Variants in OPCML observed in about 807,000 individuals in gnomAD.
OPCML encodes the protein opioid binding protein/cell adhesion molecule like.
In OPCML, 13 loss-of-function variants were observed where a neutral mutation model predicts 37.8. The observed-to-expected ratio is 0.34, with a 90% CI of 0.22 to 0.55. OPCML has a LOEUF of 0.55. Ranked by LOEUF, OPCML falls within the 20% of genes least tolerant of loss-of-function variation. OPCML has a pLI of 0.91. For missense variants in OPCML, 341 were observed against 435.6 expected, an observed-to-expected ratio of 0.78 and a Z score of 1.93; for synonymous variants, 176 against 168.8, an observed-to-expected ratio of 1.04 and a Z score of -0.33.
chr11:132,426,653 A>G (rs1380122456), intron 7 of OPCML, among the ~76,000 whole-genome samples: 1 of 152,168 alleles, frequency 6.6e-6, no homozygotes, highest in Non-Finnish European at 1.5e-5. Flanking sequence ...GCTGGTCTTG[A>G]ACTGCTAGCC....
intron 1 of OPCML, among the ~76,000 whole-genome samples, chr11:133,020,101 AG>A (rs768023425): frequency 3.9e-5 from 6 of 152,212 alleles, no homozygotes; most frequent in Non-Finnish European, 7.3e-5. Flanking sequence ...AGCTCGCCAG[AG>A]CTAATGAGTG....
At chr11:133,305,288 C>T (rs1422705340) in intron 1 of OPCML, among the ~76,000 whole-genome samples, 1 of 152,078 alleles carries the variant, frequency 6.6e-6, no homozygotes. Context: ...CCCCCTGTAC[C>T]CCTCTCCAAG....
intron 2 of OPCML, among the ~76,000 whole-genome samples, chr11:132,914,122 C>A (rs1944526593): frequency 6.6e-6 from 1 of 152,180 alleles, no homozygotes; most frequent in African/African-American, 2.4e-5. Flanking sequence ...AAGAGGGACA[C>A]CCCTGGCAAT....
intron 2 of OPCML, among the ~76,000 whole-genome samples, chr11:132,910,866 GGCTGCATGACAGGAGCCA>G (rs1352854797): frequency 6.6e-6 from 1 of 152,144 alleles, no homozygotes; most frequent in Non-Finnish European, 1.5e-5. Context: ...GGACCATTGT[GGCTGCATGACAGGAGCCA>G]GAGAATAGCA....
At chr11:133,488,050 G>A (rs1234821357) in intron 1 of OPCML, among the ~76,000 whole-genome samples, 1 of 151,968 alleles carries the variant, frequency 6.6e-6, no homozygotes, top group Non-Finnish European at 1.5e-5. Context: ...ATGCAGAAAA[G>A]GGTAAAATTC....
chr11:132,944,292 C>A (rs1333709689), intron 1 of OPCML, among the ~76,000 whole-genome samples: 1 of 152,190 alleles, frequency 6.6e-6, no homozygotes, highest in Non-Finnish European at 1.5e-5. Flanking sequence ...CCGATGCCAG[C>A]GCAGAAGTTG....
intron 1 of OPCML, among the ~76,000 whole-genome samples, chr11:133,090,446 T>C (rs1010285459): frequency 1.3e-5 from 2 of 152,156 alleles, no homozygotes; most frequent in Admixed American, 1.3e-4. Flanking sequence ...TTCTTAGACA[T>C]TATCAAAGTG....
At chr11:132,981,070 A>G (rs752116649) in intron 1 of OPCML, among the ~76,000 whole-genome samples, 3 of 152,232 alleles carry the variant, frequency 2.0e-5, no homozygotes, top group Non-Finnish European at 4.4e-5. Context: ...TAAACACAGT[A>G]AAATATGGTA....
In OPCML at chr11:133,458,574, C is replaced by CTGTGTGTGTATACACATATATACGTGT. The variant is rs1555161986; in HGVS notation, c.61+73689_61+73690insACACGTATATATGTGTATACACACACA. On this transcript the variant is annotated intron_variant, in intron 1 of 7. Transcript: ENST00000524381. Reference sequence around the variant, plus strand: ...GTGTGTGTGTATACACATATATACACGTGTGTGTACACATATATACACGTG... The same window carrying CTGTGTGTGTATACACATATATACGTGT: ...GTGTGTGTGTATACACATATATACACTGTGTGTGTATACACATATATACGTGTGTGTGTGTACACATATATACACGTG... 1.5e-3 allele frequency among the ~76,000 whole-genome samples: 130 copies of CTGTGTGTGTATACACATATATACGTGT among 85,824 alleles called. 45 individuals are homozygous for CTGTGTGTGTATACACATATATACGTGT. Among genetic ancestry groups the CTGTGTGTGTATACACATATATACGTGT allele is most frequent in the African/African-American group, 0.015 (120 of 8,130 alleles). 56.3% of individuals were successfully genotyped at this position (85,824 alleles called of 152,430 possible). A position where few individuals can be genotyped will look rare whatever the true frequency, so the allele number is the denominator to read the frequency against.
chr11:132,946,039 C>T (rs978721938), intron 1 of OPCML, among the ~76,000 whole-genome samples: 4 of 152,194 alleles, frequency 2.6e-5, no homozygotes. Flanking sequence ...GCCTCGGCCT[C>T]CCAAAGTGCT....
At chr11:133,084,868 TTTA>T (rs1948795477) in intron 1 of OPCML, among the ~76,000 whole-genome samples, 1 of 152,166 alleles carries the variant, frequency 6.6e-6, no homozygotes. Context: ...ACAATATAGA[TTTA>T]TTATAAGAAC....
At chr11:132,546,535 C>T (rs1423300588) in intron 3 of OPCML, among the ~76,000 whole-genome samples, 1 of 152,164 alleles carries the variant, frequency 6.6e-6, no homozygotes, top group Admixed American at 6.5e-5. Context: ...TATGATCCAA[C>T]ATCCTTTTTA....
intron 1 of OPCML, among the ~76,000 whole-genome samples, chr11:133,188,805 C>T (rs1938191381): frequency 6.6e-6 from 1 of 152,110 alleles, no homozygotes; most frequent in Admixed American, 6.5e-5. Flanking sequence ...GCATGTAGAT[C>T]TCACGTAGCT....
intron 2 of OPCML, among the ~76,000 whole-genome samples, chr11:132,764,289 C>T (rs1367473625): frequency 6.6e-6 from 1 of 152,164 alleles, no homozygotes; most frequent in Non-Finnish European, 1.5e-5. Context: ...CATCCTTCCT[C>T]CCACCCCACC....
chr11:133,378,560 A>G (rs1944863456), intron 1 of OPCML, among the ~76,000 whole-genome samples: 1 of 152,048 alleles, frequency 6.6e-6, no homozygotes. Context: ...ACTTCTACTG[A>G]CTTTCATCTT....
chr11:133,446,237 AGTT>A (rs1030959266), intron 1 of OPCML, among the ~76,000 whole-genome samples: 7 of 152,210 alleles, frequency 4.6e-5, no homozygotes, highest in Admixed American at 3.3e-4. Flanking sequence ...TTTTGTAATC[AGTT>A]TTTTAGTTGA....
intron 3 of OPCML, among the ~76,000 whole-genome samples, chr11:132,543,823 G>T (rs887701017): frequency 1.3e-5 from 2 of 152,088 alleles, no homozygotes; most frequent in Admixed American, 1.3e-4. Context: ...ATAATTCTTG[G>T]ATTTCTAAGC....
At chr11:132,712,881 C>G (rs1793282) in intron 2 of OPCML, among the ~76,000 whole-genome samples, 1 of 152,118 alleles carries the variant, frequency 6.6e-6, no homozygotes, top group Non-Finnish European at 1.5e-5. Context: ...ACATTTAAAA[C>G]TTTTGCTAGC....
At chr11:133,319,137 T>C (rs1040666288) in intron 1 of OPCML, among the ~76,000 whole-genome samples, 1 of 152,242 alleles carries the variant, frequency 6.6e-6, no homozygotes, top group East Asian at 1.9e-4. Flanking sequence ...TCTAAGATGA[T>C]AAGATTTTTA....
Sources: gnomAD v4.1 joint callset for allele counts (sites outside exome capture counted in the v4.1 genomes callset) on GRCh38, gnomAD v4.1.1 for gene constraint, MANE v1.5 for transcripts, NCBI Gene and HGNC (gene_info 2026-07-23, HGNC 2026-07-21) for gene names.